PANK3: variants seen among roughly 807,000 people sequenced by gnomAD.
PANK3 encodes pantothenate kinase 3, also known as hPanK3.
A neutral mutation model predicts 39.4 loss-of-function variants in PANK3; 20 were observed. That is an observed-to-expected ratio of 0.51 (90% CI 0.36 to 0.74). The LOEUF is 0.74. Ranked by LOEUF, PANK3 falls within the 30% of genes least tolerant of loss-of-function variation. The probability of loss-of-function intolerance (pLI) is 0.00; values close to 1 mark genes in which losing one functional copy is unlikely to be tolerated. For missense variants in PANK3, 265 were observed against 437.0 expected (o/e 0.61, Z 3.51); for synonymous variants, 140 against 157.3 (o/e 0.89, Z 0.82).
At chr5:168,560,895 T>C (rs778869331) in intron 5 of PANK3, 6 of 493,214 alleles carry the variant, frequency 1.2e-5, no homozygotes, top group African/African-American at 1.2e-4. Flanking sequence ...AGAACAGGTC[T>C]CAATGCCTTC....
chr5:168,564,191 G>T, intron 3 of PANK3, 126 bp from the exon 4 acceptor site: 1 of 795,360 alleles, frequency 1.3e-6, no homozygotes, highest in Non-Finnish European at 1.8e-6. Flanking sequence ...AATGCTGAGT[G>T]CTGAAATAAC....
intron 2 of PANK3, among the ~76,000 whole-genome samples, chr5:168,567,280 A>G (rs1395142215): frequency 6.6e-6 from 1 of 152,198 alleles, no homozygotes; most frequent in Non-Finnish European, 1.5e-5. Flanking sequence ...GTGCAAGCAT[A>G]TAACTACTTC....
Position 168,571,729 on chromosome 5 carries a change from T to C in PANK3, c.29-2731A>G, listed in dbSNP as rs1759633912. Among the ~76,000 whole-genome samples the C allele has an allele frequency of 2.6e-5, 4 of 152,220 alleles. No homozygotes were observed. In the South Asian group the frequency reaches 8.3e-4, roughly 31 times the overall value. Reference sequence around the variant, plus strand: ...AATGAGAAAGAAGTCTATACATTTCTCCATTTTATAATTTACACATTTACT... The same window carrying C: ...AATGAGAAAGAAGTCTATACATTTCCCCATTTTATAATTTACACATTTACT... On this transcript the variant is annotated intron_variant, in intron 1 of 6. Coordinates refer to ENST00000239231, the MANE Select transcript of PANK3 (RefSeq NM_024594.4).
chr5:168,568,146 T>C (rs1052582690), intron 2 of PANK3, among the ~76,000 whole-genome samples: 2 of 152,074 alleles, frequency 1.3e-5, no homozygotes, highest in African/African-American at 2.4e-5. Context: ...CACAGGAACA[T>C]GGCAGGATTA....
chr5:168,561,299 C>T (rs1759443512), intron 5 of PANK3, 94 bp downstream of exon 5: 1 of 1,148,256 alleles, frequency 8.7e-7, no homozygotes, highest in Non-Finnish European at 1.2e-6. Context: ...TCCCAGAGGC[C>T]TCCTTAGGGA....
At chr5:168,562,103 C>T (rs929445094) in intron 4 of PANK3, among the ~76,000 whole-genome samples, 1 of 152,174 alleles carries the variant, frequency 6.6e-6, no homozygotes, top group Non-Finnish European at 1.5e-5. Flanking sequence ...ATGTGGCACT[C>T]ATAAGCCAAG....
chr5:168,556,295 G>C lies in PANK3; in HGVS notation c.*1276C>G, dbSNP rs1759347508. On this transcript the variant is annotated 3_prime_UTR_variant, in exon 7 of 7. Coordinates refer to ENST00000239231, the MANE Select transcript of PANK3 (RefSeq NM_024594.4). The stretch of plus-strand genomic sequence containing the variant: ...TTGCTCCAACTCTAGAGTTTTCAGA[G>C]AGTTAGAGGAGGTGGAGAGATTTAC... 1 of 152,156 alleles carries C rather than the reference G, an allele frequency of 6.6e-6. No homozygotes were observed. Among genetic ancestry groups the C allele is most frequent in the South Asian group, 2.1e-4 (1 of 4,826 alleles). 9.4% of individuals were successfully genotyped at this position (152,156 alleles called of 1,614,324 possible). A position where few individuals can be genotyped will look rare whatever the true frequency, so the allele number is the denominator to read the frequency against.
At chr5:168,561,329 G>C (rs1028703671) in intron 5 of PANK3, 64 bp downstream of exon 5, 2 of 1,399,080 alleles carry the variant, frequency 1.4e-6, no homozygotes, top group East Asian at 2.4e-5. Context: ...AGCCCTGCTA[G>C]GTGTATATAG....
intron 1 of PANK3, among the ~76,000 whole-genome samples, chr5:168,570,954 A>T (rs140739427): frequency 5.1e-4 from 78 of 152,362 alleles, no homozygotes; most frequent in African/African-American, 1.9e-3. Context: ...GACCATTTAC[A>T]AAACCCTTAT....
At chr5:168,579,162 C>T in intron 1 of PANK3, 94 bp downstream of exon 1, 1 of 1,183,418 alleles carries the variant, frequency 8.5e-7, no homozygotes, top group East Asian at 3.1e-5. Context: ...CGGCGAGGAG[C>T]GACGGGCTTG....
chr5:168,568,646 T>C lies in PANK3; in HGVS notation c.381A>G (p.Thr127=). ...GAYKFEKDFR[T]IGNLHLHKLD... ...TCAGTTTTGAGTAAAAGATACCTACTGTGCGAAAATCTTTTTCAAACTTGT... is the reference window on the plus strand; with the variant it reads ...TCAGTTTTGAGTAAAAGATACCTACCGTGCGAAAATCTTTTTCAAACTTGT... The change falls in exon 2 of 7, where the codon ACA becomes ACG. Residue 127 remains threonine (T), a splice_region_variant and synonymous_variant. Coordinates refer to ENST00000239231, the MANE Select transcript of PANK3 (RefSeq NM_024594.4). 6.3e-7 allele frequency: 1 copy of C among 1,595,000 alleles called. No individual in the cohort carries two copies. Among genetic ancestry groups the C allele is most frequent in the Non-Finnish European group, 8.6e-7 (1 of 1,167,692 alleles).
chr5:168,562,835 C>G (rs906658314), intron 4 of PANK3, among the ~76,000 whole-genome samples: 2 of 152,146 alleles, frequency 1.3e-5, no homozygotes, highest in Non-Finnish European at 1.5e-5. Context: ...CAAGTTCATA[C>G]AGAAAATCAA....
At chr5:168,565,344 A>G (rs1318894267) in intron 3 of PANK3, among the ~76,000 whole-genome samples, 1 of 152,174 alleles carries the variant, frequency 6.6e-6, no homozygotes, top group Non-Finnish European at 1.5e-5. Context: ...GTATTACAGA[A>G]AAGTATGTGG....
At chr5:168,565,645 T>C (rs958442888) in intron 3 of PANK3, among the ~76,000 whole-genome samples, 3 of 151,924 alleles carry the variant, frequency 2.0e-5, no homozygotes, top group Non-Finnish European at 4.4e-5. Context: ...TTTACCATTA[T>C]GGAAATTTTG....
At position 168,559,114 on chromosome 5, in the gene PANK3, T is replaced by C. The variant is rs780140653; in HGVS notation, c.980A>G (p.Asn327Ser). ...VVFVGNFLRV[N>S]TLSMKLLAYA... Reference sequence around the variant, plus strand: ...TGCCAAAAGTTTCATTGAGAGGGTATTGACACGTAAAAAGTTTCCAACAAA... The same window carrying C: ...TGCCAAAAGTTTCATTGAGAGGGTACTGACACGTAAAAAGTTTCCAACAAA... Residue 327 changes from asparagine (N) to serine (S), a missense_variant, in exon 6 of 7, where the codon AAT (asparagine) becomes AGT (serine). This residue lies in a region of PANK3 where 110 missense variants were observed against 161.2 expected (regional missense o/e 0.68). Coordinates refer to ENST00000239231, the MANE Select transcript of PANK3 (RefSeq NM_024594.4). The C allele has an allele frequency of 8.2e-6, 13 of 1,594,832 alleles. No homozygotes were observed. The highest frequency in any genetic ancestry group is 6.7e-5 in the African/African-American group (5 of 74,476).
At position 168,561,522 on chromosome 5, in the gene PANK3, G is replaced by A; in HGVS notation, c.813-6C>T. On this transcript the variant is annotated splice_region_variant and splice_polypyrimidine_tract_variant and intron_variant, in intron 4 of 6. Transcript: ENST00000239231. ...TATAAATCATATTCCCAAAACTGCA[G>A]AAAAATGAAAAATAAAGTCAAATCT... 6.5e-7 allele frequency: 1 copy of A among 1,545,666 alleles called. No homozygotes were observed. Among genetic ancestry groups the A allele is most frequent in the Non-Finnish European group, 8.7e-7 (1 of 1,149,426 alleles).
At chr5:168,559,968 A>G (rs1759416844) in intron 5 of PANK3, among the ~76,000 whole-genome samples, 1 of 152,192 alleles carries the variant, frequency 6.6e-6, no homozygotes, top group East Asian at 1.9e-4. Flanking sequence ...TATGATTAGG[A>G]AATCTTACAA....
At position 168,553,263 on chromosome 5, in the gene PANK3, ACCCC is replaced by A; in HGVS notation, c.*4304_*4307del. 1.9e-6 allele frequency: 1 copy of A among 523,052 alleles called. No individual in the cohort carries two copies. Among genetic ancestry groups the A allele is most frequent in the Admixed American group, 2.1e-5 (1 of 47,940 alleles). 32.4% of individuals were successfully genotyped at this position (523,052 alleles called of 1,614,324 possible). A position where few individuals can be genotyped will look rare whatever the true frequency, so the allele number is the denominator to read the frequency against. The stretch of plus-strand genomic sequence containing the variant: ...CCAGCTGGTTGAGAGCACTAAAGGT[ACCCC>A]AAAGGGGAGTAGGCGAGATCTCTCC... On this transcript the variant is annotated 3_prime_UTR_variant, in exon 7 of 7. Transcript: ENST00000239231.
rs957258229 is a variant in PANK3 at position 168,549,686 on chromosome 5, C to T, written c.*7885G>A. 2.0e-5 allele frequency: 3 copies of T among 152,080 alleles called. No homozygotes were observed. Among genetic ancestry groups the T allele is most frequent in the African/African-American group, 7.2e-5 (3 of 41,410 alleles). The allele number at this position is 152,080 out of a possible 1,614,324, so 9.4% of individuals were successfully genotyped here. A position where few individuals can be genotyped will look rare whatever the true frequency, so the allele number is the denominator to read the frequency against. ...TCTATAAGAAAAAAACTGATTTACC[C>T]CAAACATATCATTCAGCACAAACTG... On this transcript the variant is annotated 3_prime_UTR_variant, in exon 7 of 7. Transcript: ENST00000239231.
Sources: allele counts gnomAD v4.1 joint callset (sites outside exome capture counted in the v4.1 genomes callset), GRCh38; gene constraint gnomAD v4.1.1; regional missense constraint gnomAD v4.1.1; transcripts MANE v1.5; gene names NCBI Gene and HGNC (gene_info 2026-07-23, HGNC 2026-07-21).